Variants in NDST4 observed in about 807,000 individuals in gnomAD.
The protein encoded by NDST4 is N-deacetylase and N-sulfotransferase 4.
A neutral mutation model predicts 100.8 loss-of-function variants in NDST4; 63 were observed. The ratio of observed to expected loss-of-function variants is 0.62; its 90% confidence interval spans 0.51 to 0.77. The LOEUF (loss-of-function observed/expected upper bound fraction) is 0.77, where lower values mean the gene tolerates loss of function less well. NDST4 is among the 30% of genes least tolerant of loss of function. NDST4 has a pLI of 0.00. For missense variants in NDST4, 943 were observed against 1,018.4 expected, an observed-to-expected ratio of 0.93 and a Z score of 1.01; for synonymous variants, 377 against 361.8, an observed-to-expected ratio of 1.04 and a Z score of -0.48.
rs1428650595 is a variant in NDST4, at chr4:114,827,908, G to T, written c.2527C>A (p.Arg843=). The stretch of plus-strand genomic sequence containing the variant: ...TTGGATAGTTCCACATTATGATCTC[G>T]GTAGTAATTAGAGAGGAACGTTCTA... The part of the protein sequence containing the change: ...ESRTFLSNYY[R]DHNVELSKLL... The change falls in exon 14 of 14, where the codon CGA becomes AGA. Residue 843 remains arginine, a synonymous_variant. Coordinates refer to ENST00000264363, the MANE Select transcript of NDST4 (RefSeq NM_022569.3). 1.2e-6 allele frequency: 2 copies of T among 1,608,228 alleles called. No homozygotes were observed.
intron 2 of NDST4, among the ~76,000 whole-genome samples, chr4:115,014,766 A>T (rs1023467911): frequency 1.3e-5 from 2 of 152,016 alleles, no homozygotes; most frequent in African/African-American, 4.8e-5. Flanking sequence ...ATGCCTTGTC[A>T]TCCTCCTTGG....
intron 10 of NDST4, 73 bp downstream of exon 10, chr4:114,845,750 T>G: frequency 7.3e-7 from 1 of 1,376,914 alleles, no homozygotes; most frequent in Non-Finnish European, 1.0e-6. Flanking sequence ...TTAGGTTCTA[T>G]TCTGGTTATT....
At chr4:115,070,254 C>T (rs146002383) in intron 2 of NDST4, among the ~76,000 whole-genome samples, 2 of 152,086 alleles carry the variant, frequency 1.3e-5, no homozygotes, top group Non-Finnish European at 2.9e-5. Context: ...GAGATCATAT[C>T]CTCTGCAGGA....
At chr4:115,002,932 C>G (rs775236810) in intron 2 of NDST4, among the ~76,000 whole-genome samples, 15 of 152,104 alleles carry the variant, frequency 9.9e-5, no homozygotes, top group Non-Finnish European at 1.9e-4. Context: ...TTTTCAGGGA[C>G]ATGGATGAAG....
intron 2 of NDST4, among the ~76,000 whole-genome samples, chr4:115,044,626 T>A (rs984171171): frequency 6.6e-6 from 1 of 150,786 alleles, no homozygotes; most frequent in Non-Finnish European, 1.5e-5. Context: ...TGTATTTTGA[T>A]AGATGAAATT....
chr4:115,023,104 G>C (rs1016199910), intron 2 of NDST4, among the ~76,000 whole-genome samples: 1 of 152,070 alleles, frequency 6.6e-6, no homozygotes, highest in Non-Finnish European at 1.5e-5. Flanking sequence ...GTGGGAAGGG[G>C]GTGAGGGCTA....
intron 2 of NDST4, among the ~76,000 whole-genome samples, chr4:115,072,451 T>C (rs1383057440): frequency 2.0e-5 from 3 of 152,008 alleles, no homozygotes; most frequent in Non-Finnish European, 4.4e-5. Flanking sequence ...TACAAAGCTA[T>C]AGTAATCACA....
chr4:114,930,755 T>C (rs1360006609), intron 6 of NDST4, among the ~76,000 whole-genome samples: 1 of 152,066 alleles, frequency 6.6e-6, no homozygotes, highest in Non-Finnish European at 1.5e-5. Context: ...ACCTCAGAAA[T>C]GGAATCATTA....
intron 6 of NDST4, among the ~76,000 whole-genome samples, chr4:114,883,147 A>T (rs886111883): frequency 2.0e-5 from 3 of 152,096 alleles, no homozygotes; most frequent in Non-Finnish European, 2.9e-5. Context: ...ACTTAAATCA[A>T]CATAAAGAAA....
At chr4:114,891,523 G>A (rs962057205) in intron 6 of NDST4, among the ~76,000 whole-genome samples, 13 of 151,920 alleles carry the variant, frequency 8.6e-5, no homozygotes, top group Non-Finnish European at 1.8e-4. Context: ...TCAGTTACCA[G>A]TCCTTTTGAT....
intron 1 of NDST4, among the ~76,000 whole-genome samples, chr4:115,078,771 C>T (rs528793): frequency 0.23 from 34,708 of 151,736 alleles, 5,333 homozygotes; most frequent in East Asian, 0.46. Flanking sequence ...ACCCGGGAGG[C>T]GGAAGATGCA....
chr4:114,854,300 C>T (rs1454833189), intron 7 of NDST4, among the ~76,000 whole-genome samples: 1 of 152,152 alleles, frequency 6.6e-6, no homozygotes, highest in East Asian at 1.9e-4. Context: ...TTGAAAATGA[C>T]AAAATCTCAT....
chr4:115,099,464 A>G (rs1210411360), intron 1 of NDST4, among the ~76,000 whole-genome samples: 1 of 152,186 alleles, frequency 6.6e-6, no homozygotes, highest in Non-Finnish European at 1.5e-5. Flanking sequence ...TTAAAATTCC[A>G]TAGTAGAAAA....
At chr4:114,916,590 G>A (rs1725175425) in intron 6 of NDST4, among the ~76,000 whole-genome samples, 1 of 148,336 alleles carries the variant, frequency 6.7e-6, no homozygotes, top group Admixed American at 6.7e-5. Flanking sequence ...GTGTTTGTGT[G>A]TATGTGTGTG....
intron 2 of NDST4, among the ~76,000 whole-genome samples, chr4:115,042,968 T>G (rs1219974924): frequency 6.6e-6 from 1 of 152,096 alleles, no homozygotes; most frequent in African/African-American, 2.4e-5. Context: ...GATGTCTCTG[T>G]GTTTTTTTCA....
chr4:115,061,858 A>C (rs1372762908), intron 2 of NDST4, among the ~76,000 whole-genome samples: 2 of 152,098 alleles, frequency 1.3e-5, no homozygotes, highest in Admixed American at 1.3e-4. Context: ...AGCATGGCAC[A>C]CTTAGTTGAA....
intron 2 of NDST4, among the ~76,000 whole-genome samples, chr4:115,042,844 T>C (rs28472459): frequency 0.093 from 14,170 of 152,108 alleles, 2,026 homozygotes; most frequent in African/African-American, 0.31. Flanking sequence ...ACACTTTGAG[T>C]GTCTTGGTAA....
At chr4:114,912,067 T>C (rs1725074170) in intron 6 of NDST4, among the ~76,000 whole-genome samples, 2 of 152,146 alleles carry the variant, frequency 1.3e-5, no homozygotes, top group Admixed American at 1.3e-4. Context: ...ATCCAAAATG[T>C]AAAAGGGAAA....
chr4:115,000,583 T>G (rs1727268613), intron 2 of NDST4, among the ~76,000 whole-genome samples: 1 of 152,246 alleles, frequency 6.6e-6, no homozygotes, highest in East Asian at 1.9e-4. Context: ...GGCAAATACT[T>G]ACTATCTGTC....
Sources: gnomAD v4.1 joint callset for allele counts (sites outside exome capture counted in the v4.1 genomes callset) on GRCh38, gnomAD v4.1.1 for gene constraint, MANE v1.5 for transcripts, NCBI Gene and HGNC (gene_info 2026-07-23, HGNC 2026-07-21) for gene names.